The following ZNF385D variants were observed in gnomAD, a reference collection of about 807,000 sequenced individuals.
The protein encoded by ZNF385D is zinc finger protein 659.
Under a neutral mutation model 35.8 loss-of-function variants are expected in ZNF385D, and 15 were observed. The observed-to-expected ratio is 0.42, with a 90% CI of 0.28 to 0.64. ZNF385D has a LOEUF of 0.64. Among genes scored for constraint, ZNF385D ranks in the 30% least tolerant of loss-of-function variants. The pLI is 0.23. For synonymous variants in ZNF385D, 212 were observed against 186.8 expected, an observed-to-expected ratio of 1.13 and a Z score of -1.10; for missense variants, 474 against 494.6, an observed-to-expected ratio of 0.96 and a Z score of 0.39.
chr3:21,803,814 C>A (rs927098610), intron 3 of ZNF385D, among the ~76,000 whole-genome samples: 1 of 152,182 alleles, frequency 6.6e-6, no homozygotes, highest in Non-Finnish European at 1.5e-5. Flanking sequence ...TTCCAAGTAT[C>A]TTGGAAAGCA....
chr3:22,211,558 T>A (rs1037211424), intron 2 of ZNF385D, among the ~76,000 whole-genome samples: 9 of 151,984 alleles, frequency 5.9e-5, no homozygotes, highest in Admixed American at 5.9e-4. Flanking sequence ...CAGGAGATGA[T>A]ACCAAGAAAG....
chr3:21,993,691 T>G (rs1474562786), intron 3 of ZNF385D, among the ~76,000 whole-genome samples: 1 of 152,190 alleles, frequency 6.6e-6, no homozygotes, highest in Non-Finnish European at 1.5e-5. Context: ...TAAGTTTTGC[T>G]GGGAATCACA....
intron 1 of ZNF385D, among the ~76,000 whole-genome samples, chr3:21,722,096 T>C (rs1187020678): frequency 1.1e-5 from 1 of 87,728 alleles, no homozygotes; most frequent in Non-Finnish European, 2.2e-5. Context: ...TGAGACTCTG[T>C]CTCAAAAAAA....
At chr3:21,757,836 G>T (rs919992755) in intron 3 of ZNF385D, among the ~76,000 whole-genome samples, 1 of 152,130 alleles carries the variant, frequency 6.6e-6, no homozygotes, top group Non-Finnish European at 1.5e-5. Flanking sequence ...AGACATAAAG[G>T]CAGAGACATG....
At chr3:22,265,236 T>TTATA (rs1700838123) in intron 2 of ZNF385D, among the ~76,000 whole-genome samples, 1 of 151,932 alleles carries the variant, frequency 6.6e-6, no homozygotes, top group African/African-American at 2.4e-5. Context: ...GGCGACCTAC[T>TTATA]CAGATAATAT....
At position 22,277,690 on chromosome 3, in the gene ZNF385D, A is replaced by G. The variant is rs918329112; in HGVS notation, c.106+94760T>C. Among the ~76,000 whole-genome samples, 5 of 152,156 alleles carry G rather than the reference A, an allele frequency of 3.3e-5. No homozygotes were observed. In the East Asian group the frequency reaches 9.7e-4, roughly 29 times the overall value. ...AAAGTTAGCACAAATGTTTTTTACA[A>G]TTATTAGAAGATATGAAGGAAACTG... On this transcript the variant is annotated intron_variant, in intron 2 of 5. Coordinates refer to the ZNF385D transcript ENST00000494108.
chr3:22,139,257 AT>A (rs1486945137), intron 3 of ZNF385D, among the ~76,000 whole-genome samples: 1 of 152,206 alleles, frequency 6.6e-6, no homozygotes, highest in Non-Finnish European at 1.5e-5. Context: ...CAGCCATCCC[AT>A]TACTGGGTAT....
At chr3:22,008,386 G>A (rs761389958) in intron 3 of ZNF385D, among the ~76,000 whole-genome samples, 15 of 114,842 alleles carry the variant, frequency 1.3e-4, no homozygotes, top group Non-Finnish European at 1.2e-4. Flanking sequence ...GCGGAGTCTC[G>A]CTGTTGCCCA....
chr3:21,569,493 T>C (rs1469029631), intron 2 of ZNF385D, among the ~76,000 whole-genome samples: 1 of 151,072 alleles, frequency 6.6e-6, no homozygotes, highest in African/African-American at 2.5e-5. Context: ...TACAGCACAC[T>C]GATGGGTCTT....
chr3:22,096,758 G>A (rs773639000), intron 3 of ZNF385D, among the ~76,000 whole-genome samples: 7 of 152,070 alleles, frequency 4.6e-5, no homozygotes, highest in Non-Finnish European at 8.8e-5. Context: ...AAACAGGATG[G>A]GTTAACTAGA....
At chr3:22,135,915 T>A (rs1383218683) in intron 3 of ZNF385D, among the ~76,000 whole-genome samples, 1 of 152,062 alleles carries the variant, frequency 6.6e-6, no homozygotes, top group African/African-American at 2.4e-5. Flanking sequence ...CTAAGACAAT[T>A]GCACATCCAC....
In ZNF385D at chr3:21,778,493, A is replaced by T. The variant is rs531525204; in HGVS notation, c.326-113465T>A. Among the ~76,000 whole-genome samples the T allele has an allele frequency of 9.9e-5, 15 of 151,976 alleles. No individual in the cohort carries two copies. In the East Asian group the frequency reaches 2.0e-3, roughly 20 times the overall value. On this transcript the variant is annotated intron_variant, in intron 3 of 5. Transcript: ENST00000494108. ...TAAACATCGAAGCACCCTGTAGTCT[A>T]TCAGGCAAGCTATCACTGACAGCTC...
intron 3 of ZNF385D, among the ~76,000 whole-genome samples, chr3:21,797,462 A>T (rs1268822158): frequency 6.6e-6 from 1 of 152,210 alleles, no homozygotes; most frequent in Non-Finnish European, 1.5e-5. Context: ...TTCTTATTTT[A>T]TGAGGCAGTA....
intron 2 of ZNF385D, among the ~76,000 whole-genome samples, chr3:22,291,033 T>C (rs1702276575): frequency 6.6e-6 from 1 of 152,156 alleles, no homozygotes; most frequent in African/African-American, 2.4e-5. Context: ...CCTTCAAGAC[T>C]TGAGCAAACC....
intron 3 of ZNF385D, among the ~76,000 whole-genome samples, chr3:22,070,606 C>T (rs1296824843): frequency 6.6e-6 from 1 of 152,068 alleles, no homozygotes; most frequent in East Asian, 1.9e-4. Flanking sequence ...GGACAAACAT[C>T]TGTTCTAGTC....
chr3:22,092,855 A>G (rs1240995483), intron 3 of ZNF385D, among the ~76,000 whole-genome samples: 1 of 152,132 alleles, frequency 6.6e-6, no homozygotes, highest in Non-Finnish European at 1.5e-5. Context: ...TTAAGGTCTG[A>G]TTGTTAGTCT....
rs746142863 is a variant in ZNF385D, at chr3:21,654,048, AT to A, written c.165+10837del. 2.2e-4 allele frequency among the ~76,000 whole-genome samples: 34 copies of A among 152,140 alleles called. 2 individuals carry two copies. The highest frequency in any genetic ancestry group is 3.4e-3 in the Middle Eastern group (1 of 294). On this transcript the variant is annotated intron_variant, in intron 2 of 7. Coordinates refer to ENST00000281523, the MANE Select transcript of ZNF385D (RefSeq NM_024697.3). ...ATTTCTTTAAAGAAACTGCTTTAAA[AT>A]GCCCCAATCTATTGTACAACTGGAC...
At chr3:22,003,983 A>G (rs1286541115) in intron 3 of ZNF385D, among the ~76,000 whole-genome samples, 1 of 152,184 alleles carries the variant, frequency 6.6e-6, no homozygotes, top group Non-Finnish European at 1.5e-5. Context: ...GCATCATACT[A>G]TCTGACTTTA....
At chr3:21,997,143 A>G (rs761492045) in intron 3 of ZNF385D, among the ~76,000 whole-genome samples, 19 of 152,216 alleles carry the variant, frequency 1.2e-4, no homozygotes, top group Non-Finnish European at 2.4e-4. Flanking sequence ...TATGGCACAT[A>G]TAAACCATGG....
Sources: allele counts gnomAD v4.1 joint callset (sites outside exome capture counted in the v4.1 genomes callset), GRCh38; gene constraint gnomAD v4.1.1; transcripts MANE v1.5; gene names NCBI Gene and HGNC (gene_info 2026-07-23, HGNC 2026-07-21).